Variants in A1CF observed in about 807,000 individuals in gnomAD.
A1CF encodes the protein APOBEC1 complementation factor, also known as APOBEC-1 stimulating protein.
A neutral mutation model predicts 68.9 loss-of-function variants in A1CF; 48 were observed. The observed-to-expected ratio is 0.70, with a 90% CI of 0.55 to 0.89. The LOEUF (loss-of-function observed/expected upper bound fraction) is 0.89. A1CF is among the 40% of genes least tolerant of loss of function. A1CF has a pLI of 0.00. For synonymous variants in A1CF, 272 were observed against 260.4 expected (o/e 1.04, Z -0.43); for missense variants, 653 against 718.9 (o/e 0.91, Z 1.05).
In A1CF at chr10:50,800,198, T is replaced by A. The variant is rs148571483; in HGVS notation, c.*6531A>T. On this transcript the variant is annotated 3_prime_UTR_variant, in exon 13 of 13. Transcript: ENST00000373997. ...ATGTATAGGTACCTGCTCATTAACATCATAAATCAGTAGGTGAATTTATCA... is the reference window on the plus strand; with the variant it reads ...ATGTATAGGTACCTGCTCATTAACAACATAAATCAGTAGGTGAATTTATCA... 1.1e-3 allele frequency: 170 copies of A among 152,296 alleles called. 1 individual carries two copies. Among genetic ancestry groups the A allele is most frequent in the African/African-American group, 4.0e-3 (165 of 41,578 alleles). The allele number at this position is 152,296 out of a possible 1,614,324, so 9.4% of individuals were successfully genotyped here. A position where few individuals can be genotyped will look rare whatever the true frequency, so the allele number is the denominator to read the frequency against.
At chr10:50,823,203 A>G (rs989368388) in intron 7 of A1CF, among the ~76,000 whole-genome samples, 20 of 152,312 alleles carry the variant, frequency 1.3e-4, no homozygotes, top group South Asian at 6.2e-4. Flanking sequence ...CATAAAACAG[A>G]CAAGTTAAAA....
rs1448653933 is a variant in A1CF at position 50,806,235 on chromosome 10, C to T, written c.*494G>A. 1 of 152,272 alleles carries T rather than the reference C, an allele frequency of 6.6e-6. No individual in the cohort carries two copies. Among genetic ancestry groups the T allele is most frequent in the Non-Finnish European group, 1.5e-5 (1 of 68,108 alleles). The allele number at this position is 152,272 out of a possible 1,614,324, so 9.4% of individuals were successfully genotyped here. A position where few individuals can be genotyped will look rare whatever the true frequency, so the allele number is the denominator to read the frequency against. On this transcript the variant is annotated 3_prime_UTR_variant, in exon 13 of 13. Transcript: ENST00000373997. ...CTCAGGCCTGCAATCATGCCCCACA[C>T]AGTGAGCCATGGTGAATGCATTTTG... is the stretch of plus-strand genomic sequence containing the variant.
chr10:50,869,572 A>G (rs1288841353), intron 1 of A1CF, among the ~76,000 whole-genome samples: 1 of 152,170 alleles, frequency 6.6e-6, no homozygotes, highest in African/African-American at 2.4e-5. Flanking sequence ...CCTCTCATAG[A>G]ATATATTAGT....
intron 6 of A1CF, among the ~76,000 whole-genome samples, chr10:50,832,305 GT>G (rs1490185360): frequency 6.6e-6 from 1 of 152,146 alleles, no homozygotes. Context: ...CAGGGCTTTT[GT>G]TTTTTCCTCT....
In A1CF at chr10:50,806,169, G is replaced by C. The variant is rs1169302561; in HGVS notation, c.*560C>G. 1 of 152,274 alleles carries C rather than the reference G, an allele frequency of 6.6e-6. No homozygotes were observed. The highest frequency in any genetic ancestry group is 2.4e-5 in the African/African-American group (1 of 41,452). The allele number at this position is 152,274 out of a possible 1,614,324, so 9.4% of individuals were successfully genotyped here. Reference sequence around the variant, plus strand: ...GACTGGATGGAATTTTCAGGCTGAAGAGAGGTTGAAACCACAAAATCTTGG... The same window carrying C: ...GACTGGATGGAATTTTCAGGCTGAACAGAGGTTGAAACCACAAAATCTTGG... On this transcript the variant is annotated 3_prime_UTR_variant, in exon 13 of 13. Transcript: ENST00000373997.
At chr10:50,819,249 C>T (rs747673260) in intron 8 of A1CF, among the ~76,000 whole-genome samples, 29 of 152,134 alleles carry the variant, frequency 1.9e-4, no homozygotes, top group Admixed American at 3.3e-4. Context: ...CCTCAGCCCC[C>T]GGAGTAGCTG....
rs765008826 is a variant in A1CF at position 50,820,647 on chromosome 10, C to A, written c.772G>T (p.Ala258Ser). ...EKEFNNIKPGAVERVKKIRDY... is the reference protein window; with the variant it reads ...EKEFNNIKPGSVERVKKIRDY... Reference sequence around the variant, plus strand: ...CGAATTTTCTTCACCCTCTCCACAGCACCTGTAAAATAGAGTGAAGGTTGC... The same window carrying A: ...CGAATTTTCTTCACCCTCTCCACAGAACCTGTAAAATAGAGTGAAGGTTGC... The change falls in exon 8 of 13, where the codon GCT (alanine) becomes TCT (serine). Residue 258 changes from alanine to serine, a missense_variant and splice_region_variant. Transcript: ENST00000373997. 3.7e-6 allele frequency: 6 copies of A among 1,612,708 alleles called. No individual in the cohort carries two copies. In the South Asian group the frequency reaches 5.5e-5, roughly 15 times the overall value.
At chr10:50,849,786 CTTTTTTTTTTTTT>C (rs71949925) in intron 3 of A1CF, among the ~76,000 whole-genome samples, 4 of 83,662 alleles carry the variant, frequency 4.8e-5, no homozygotes, top group East Asian at 7.7e-4. Flanking sequence ...TTAATGAATT[CTTTTTTTTTTTTT>C]TTTTTTTTTT....
At chr10:50,818,492 A>T (rs531498623) in intron 8 of A1CF, among the ~76,000 whole-genome samples, 1 of 151,912 alleles carries the variant, frequency 6.6e-6, no homozygotes, top group African/African-American at 2.4e-5. Flanking sequence ...GGGAATTTGA[A>T]TATGTTTCAA....
At chr10:50,831,458 G>A (rs943811564) in intron 6 of A1CF, among the ~76,000 whole-genome samples, 29 of 152,338 alleles carry the variant, frequency 1.9e-4, no homozygotes, top group African/African-American at 7.0e-4. Flanking sequence ...GCCGGGCGTG[G>A]TGGCTCACAC....
At chr10:50,840,377 T>C (rs919341022) in intron 5 of A1CF, among the ~76,000 whole-genome samples, 1 of 152,088 alleles carries the variant, frequency 6.6e-6, no homozygotes, top group African/African-American at 2.4e-5. Context: ...ATAGATGGTA[T>C]CCCCATTTTA....
chr10:50,826,394 A>T (rs1441682885), intron 7 of A1CF, among the ~76,000 whole-genome samples: 2 of 152,122 alleles, frequency 1.3e-5, no homozygotes, highest in Non-Finnish European at 2.9e-5. Flanking sequence ...ATGGGAAGTC[A>T]TCTCAAGCAT....
At chr10:50,868,251 C>A (rs184067958) in intron 1 of A1CF, among the ~76,000 whole-genome samples, 14 of 152,156 alleles carry the variant, frequency 9.2e-5, no homozygotes, top group Non-Finnish European at 1.9e-4. Flanking sequence ...CTAGATAGTA[C>A]TGAAATGGTT....
chr10:50,825,451 T>C (rs1358964639), intron 7 of A1CF, among the ~76,000 whole-genome samples: 1 of 152,168 alleles, frequency 6.6e-6, no homozygotes, highest in Non-Finnish European at 1.5e-5. Flanking sequence ...CAAAGCATGT[T>C]AGAAGGCAAA....
rs759503859 is a variant in A1CF, at chr10:50,804,090, AT to A, written c.*2638del. On this transcript the variant is annotated 3_prime_UTR_variant, in exon 13 of 13. Coordinates refer to ENST00000373997, the MANE Select transcript of A1CF (RefSeq NM_014576.4). ...CTTTCTATGAAGGTATTTTAATGGA[AT>A]TCAAAGTATTCCCTAGATATTACTA... 6.6e-5 allele frequency: 10 copies of A among 152,312 alleles called. No individual in the cohort carries two copies. The East Asian group carries it at 1.9e-3, about 29-fold the overall frequency. 9.4% of individuals were successfully genotyped at this position (152,312 alleles called of 1,614,324 possible).
At chr10:50,879,772 AT>A (rs2132625156) in intron 1 of A1CF, among the ~76,000 whole-genome samples, 1 of 152,264 alleles carries the variant, frequency 6.6e-6, no homozygotes, top group Admixed American at 6.5e-5. Context: ...TCAAGATGAG[AT>A]TTGGGTGGGG....
intron 1 of A1CF, among the ~76,000 whole-genome samples, chr10:50,884,364 AG>A (rs1173956010): frequency 6.6e-6 from 1 of 152,228 alleles, no homozygotes; most frequent in Non-Finnish European, 1.5e-5. Context: ...AAATGTTAAG[AG>A]TTGTCTGAAA....
At chr10:50,851,429 T>C (rs931610349) in intron 3 of A1CF, among the ~76,000 whole-genome samples, 1 of 152,244 alleles carries the variant, frequency 6.6e-6, no homozygotes, top group Non-Finnish European at 1.5e-5. Flanking sequence ...TTGACATCTA[T>C]TCTGTTAATT....
chr10:50,877,937 A>G (rs1467319210), intron 1 of A1CF, among the ~76,000 whole-genome samples: 1 of 152,166 alleles, frequency 6.6e-6, no homozygotes, highest in Non-Finnish European at 1.5e-5. Context: ...CCTGGCTAAC[A>G]AGGTGAAACC....
Sources: gnomAD v4.1 joint callset for allele counts (sites outside exome capture counted in the v4.1 genomes callset) on GRCh38, gnomAD v4.1.1 for gene constraint, MANE v1.5 for transcripts, NCBI Gene and HGNC (gene_info 2026-07-23, HGNC 2026-07-21) for gene names.